RASGRP3: variants seen among roughly 807,000 people sequenced by gnomAD.
The protein encoded by RASGRP3 is ras guanyl-releasing protein 3.
In RASGRP3, 54 loss-of-function variants were observed where a neutral mutation model predicts 82.7. The ratio of observed to expected loss-of-function variants is 0.65; its 90% confidence interval spans 0.52 to 0.82. RASGRP3 has a LOEUF of 0.82. RASGRP3 is among the 40% of genes least tolerant of loss of function. The probability of loss-of-function intolerance (pLI) is 0.00; values close to 1 mark genes in which losing one functional copy is unlikely to be tolerated. For synonymous variants in RASGRP3, 309 were observed against 300.5 expected, an observed-to-expected ratio of 1.03 and a Z score of -0.29; for missense variants, 861 against 828.9, an observed-to-expected ratio of 1.04 and a Z score of -0.48.
At position 33,516,649 on chromosome 2, in the gene RASGRP3, C is replaced by T; in HGVS notation, c.173+5C>T. ...GGCAGAAAAACTTCTCTGCATATATCTTTTCAACTACTGTGTAATTTTTAC... is the reference window on the plus strand; with the variant it reads ...GGCAGAAAAACTTCTCTGCATATATTTTTTCAACTACTGTGTAATTTTTAC... On this transcript the variant is annotated splice_donor_5th_base_variant and intron_variant, in intron 4 of 17. Coordinates refer to ENST00000403687, the MANE Select transcript of RASGRP3 (RefSeq NM_001139488.2). The T allele has an allele frequency of 6.7e-7, 1 of 1,495,518 alleles. No homozygotes were observed. The highest frequency in any genetic ancestry group is 9.2e-7 in the Non-Finnish European group (1 of 1,086,052). The allele number at this position is 1,495,518 out of a possible 1,614,324, so 92.6% of individuals were successfully genotyped here. A position where few individuals can be genotyped will look rare whatever the true frequency, so the allele number is the denominator to read the frequency against.
chr2:33,465,004 GAGAA>G (rs1465270647), intron 2 of RASGRP3, among the ~76,000 whole-genome samples: 4 of 152,208 alleles, frequency 2.6e-5, no homozygotes, highest in Non-Finnish European at 5.9e-5. Flanking sequence ...GTTCAAGTGA[GAGAA>G]AGAGTCACAA....
intron 1 of RASGRP3, among the ~76,000 whole-genome samples, chr2:33,478,963 A>G (rs1308160318): frequency 6.6e-6 from 1 of 152,374 alleles, no homozygotes; most frequent in African/African-American, 2.4e-5. Context: ...GTTCTTGACC[A>G]TACGTAACAC....
chr2:33,498,103 C>T (rs180726020), intron 1 of RASGRP3, among the ~76,000 whole-genome samples: 2 of 152,056 alleles, frequency 1.3e-5, no homozygotes, highest in Non-Finnish European at 2.9e-5. Flanking sequence ...AGAGGAGTGA[C>T]AGAAATAGGA....
intron 2 of RASGRP3, among the ~76,000 whole-genome samples, chr2:33,454,640 C>G (rs572713579): frequency 1.3e-5 from 2 of 152,306 alleles, no homozygotes; most frequent in East Asian, 1.9e-4. Context: ...GATCACCCAT[C>G]TCTCATCATA....
chr2:33,558,308 A>T lies in RASGRP3; in HGVS notation c.1677A>T (p.Ser559=). The part of the protein sequence containing the change: ...RAPSLSSGHG[S]LPGSPSLPPA... ...CCTCCTTGAGCAGTGGTCATGGGTC[A>T]CTGCCTGGAAGCCCCTCGCTGCCCC... is the stretch of plus-strand genomic sequence containing the variant. The change falls in exon 16 of 18, where the codon TCA becomes TCT. Residue 559 remains serine (S), a synonymous_variant. Coordinates refer to ENST00000403687, the MANE Select transcript of RASGRP3 (RefSeq NM_001139488.2). 1.2e-6 allele frequency: 2 copies of T among 1,613,682 alleles called. No homozygotes were observed. Among genetic ancestry groups the T allele is most frequent in the East Asian group, 2.2e-5 (1 of 44,834 alleles).
Position 33,526,289 on chromosome 2 carries a change from G to A in RASGRP3, c.808-848G>A, listed in dbSNP as rs980276251. 1.8e-4 allele frequency among the ~76,000 whole-genome samples: 27 copies of A among 152,186 alleles called. 1 individual carries two copies. The highest frequency in any genetic ancestry group is 2.9e-5 in the Non-Finnish European group (2 of 68,024). ...TGTCTGAGTCACAAGGGCTGCTTTGGAGAGAGCAGACTAATCAAAATTGGG... is the reference window on the plus strand; with the variant it reads ...TGTCTGAGTCACAAGGGCTGCTTTGAAGAGAGCAGACTAATCAAAATTGGG... On this transcript the variant is annotated intron_variant, in intron 9 of 17. Coordinates refer to ENST00000403687, the MANE Select transcript of RASGRP3 (RefSeq NM_001139488.2).
intron 1 of RASGRP3, among the ~76,000 whole-genome samples, chr2:33,489,894 T>C (rs900956693): frequency 9.2e-5 from 14 of 152,228 alleles, no homozygotes; most frequent in African/African-American, 3.4e-4. Flanking sequence ...CATGGGACAG[T>C]TGATCCTGGG....
chr2:33,555,012 CA>C (rs1675787677), intron 14 of RASGRP3: 1 of 152,424 alleles, frequency 6.6e-6, no homozygotes, highest in Non-Finnish European at 1.5e-5. Flanking sequence ...AAACATAGAG[CA>C]AATGTGGAGA....
At chr2:33,442,884 T>G (rs1274140875) in intron 1 of RASGRP3, among the ~76,000 whole-genome samples, 1 of 3,314 alleles carries the variant, frequency 3.0e-4, no homozygotes, top group African/African-American at 6.8e-3. Context: ...ATCACTATTG[T>G]TTTTTTTTTT....
At chr2:33,516,842 T>C (rs1281284077) in intron 4 of RASGRP3, 198 bp downstream of exon 4, 4 of 428,288 alleles carry the variant, frequency 9.3e-6, no homozygotes, top group Non-Finnish European at 1.6e-5. Context: ...CTGGATGTTT[T>C]GGCTGTACTT....
At chr2:33,463,310 C>T (rs527785946) in intron 2 of RASGRP3, among the ~76,000 whole-genome samples, 1 of 152,092 alleles carries the variant, frequency 6.6e-6, no homozygotes, top group Non-Finnish European at 1.5e-5. Context: ...GAAACACTGC[C>T]ATAAAGGTAA....
At chr2:33,502,304 G>A (rs953238126) in intron 1 of RASGRP3, among the ~76,000 whole-genome samples, 2 of 151,986 alleles carry the variant, frequency 1.3e-5, no homozygotes, top group African/African-American at 4.8e-5. Flanking sequence ...GTGGAGGTGG[G>A]TGGGGGTTGG....
intron 1 of RASGRP3, among the ~76,000 whole-genome samples, chr2:33,507,910 A>C (rs1670546412): frequency 1.3e-5 from 2 of 152,234 alleles, no homozygotes; most frequent in East Asian, 1.9e-4. Context: ...TGGGGAAACC[A>C]GTTAGTAATT....
At chr2:33,506,510 A>G in intron 1 of RASGRP3, among the ~76,000 whole-genome samples, 1 of 152,226 alleles carries the variant, frequency 6.6e-6, no homozygotes. Context: ...TATCTGTCAC[A>G]TTACGTTGCG....
At chr2:33,453,218 A>G (rs1183317187) in intron 2 of RASGRP3, among the ~76,000 whole-genome samples, 2 of 152,202 alleles carry the variant, frequency 1.3e-5, no homozygotes, top group Non-Finnish European at 2.9e-5. Context: ...TATTATAAAG[A>G]TTTTGAGCTT....
chr2:33,438,101 T>A (rs1184419460), intron 1 of RASGRP3, among the ~76,000 whole-genome samples: 1 of 152,258 alleles, frequency 6.6e-6, no homozygotes, highest in Non-Finnish European at 1.5e-5. Context: ...AACGTTCACA[T>A]TTGACACATT....
intron 17 of RASGRP3, among the ~76,000 whole-genome samples, chr2:33,562,183 CCCTT>C (rs1415311079): frequency 6.6e-6 from 1 of 152,008 alleles, no homozygotes; most frequent in Non-Finnish European, 1.5e-5. Flanking sequence ...TTGTGGTACA[CCCTT>C]TAAGGTCAAC....
At chr2:33,508,448 A>G (rs1422556938) in intron 1 of RASGRP3, among the ~76,000 whole-genome samples, 1 of 152,194 alleles carries the variant, frequency 6.6e-6, no homozygotes, top group Non-Finnish European at 1.5e-5. Context: ...ATCCATGCAC[A>G]GGTGGAGGGA....
chr2:33,524,093 T>C, intron 8 of RASGRP3, 41 bp downstream of exon 8: 1 of 1,592,292 alleles, frequency 6.3e-7, no homozygotes, highest in Non-Finnish European at 8.6e-7. Flanking sequence ...GTTCTAGATG[T>C]TCGTTCACTC....
Sources: gnomAD v4.1 joint callset for allele counts (sites outside exome capture counted in the v4.1 genomes callset) on GRCh38, gnomAD v4.1.1 for gene constraint, MANE v1.5 for transcripts, NCBI Gene and HGNC (gene_info 2026-07-23, HGNC 2026-07-21) for gene names.